Variants in C14orf39 observed in about 807,000 individuals in gnomAD.
The protein encoded by C14orf39 is protein SIX6OS1.
Under a neutral mutation model 85.6 loss-of-function variants are expected in C14orf39, and 66 were observed. The observed-to-expected ratio is 0.77, with a 90% confidence interval of 0.63 to 0.95. The LOEUF (loss-of-function observed/expected upper bound fraction) is 0.95. Among genes scored for constraint, C14orf39 ranks in the 40% least tolerant of loss-of-function variants. The pLI is 0.00. For synonymous variants in C14orf39, 242 were observed against 214.0 expected, an observed-to-expected ratio of 1.13 and a Z score of -1.14; for missense variants, 735 against 663.9, an observed-to-expected ratio of 1.11 and a Z score of -1.18.
At chr14:60,451,891 T>C (rs901317806) in intron 16 of C14orf39, among the ~76,000 whole-genome samples, 2 of 151,848 alleles carry the variant, frequency 1.3e-5, no homozygotes, top group East Asian at 1.9e-4. Flanking sequence ...GGTTAAAAGA[T>C]AGAATCTCAG....
chr14:60,502,783 AT>A (rs1210390385), intron 1 of C14orf39, among the ~76,000 whole-genome samples: 1 of 152,162 alleles, frequency 6.6e-6, no homozygotes, highest in Non-Finnish European at 1.5e-5. Flanking sequence ...CTGTGTTTCC[AT>A]TTAAAAATCT....
In C14orf39 at chr14:60,478,346, T is replaced by A. The variant is rs765630160; in HGVS notation, c.277A>T (p.Met93Leu). ...CDVFRKHEDYMQDQFTVYQGT... is the reference protein window; with the variant it reads ...CDVFRKHEDYLQDQFTVYQGT... ...TGATAAACAGTAAATTGGTCCTGCA[T>A]ATAATCTTCATGTTTACGAAAAACA... Residue 93 changes from methionine to leucine, a missense_variant, in exon 5 of 18, where the codon ATG (methionine) becomes TTG (leucine). Physicochemically the swap from Met to Leu is conservative, Grantham distance 15. Transcript: ENST00000321731. The A allele has an allele frequency of 1.9e-6, 3 of 1,583,814 alleles. No homozygotes were observed. The East Asian group carries it at 6.9e-5, about 36-fold the overall frequency.
Position 60,442,095 on chromosome 14 carries a change from G to A in C14orf39, c.1540C>T (p.Leu514=). 6.2e-7 allele frequency: 1 copy of A among 1,610,370 alleles called. No homozygotes were observed. Among genetic ancestry groups the A allele is most frequent in the Non-Finnish European group, 8.5e-7 (1 of 1,177,400 alleles). ...TTACCAATCTCTTGCTCTGATGACA[G>A]AGGATTTAGATTTCTTGCAGAATAA... is the stretch of plus-strand genomic sequence containing the variant. ...EHYSARNLNP[L]SSEQEIGNLL... Residue 514 remains leucine (L), a synonymous_variant, in exon 17 of 18, where the codon CTG becomes TTG. Transcript: ENST00000321731.
chr14:60,507,754 T>A (rs1893225067), intron 1 of C14orf39, among the ~76,000 whole-genome samples: 1 of 152,170 alleles, frequency 6.6e-6, no homozygotes, highest in Non-Finnish European at 1.5e-5. Context: ...GCATACAAAT[T>A]GTACTTGATA....
At position 60,437,016 on chromosome 14, in the gene C14orf39, A is replaced by G; in HGVS notation, c.1593T>C (p.Asp531=). The G allele has an allele frequency of 2.5e-6, 4 of 1,609,698 alleles. No individual in the cohort carries two copies. The highest frequency in any genetic ancestry group is 1.3e-5 in the African/African-American group (1 of 74,846). ...GNLLEKPEGE[D]GFTFSFPSDT... is the part of the protein sequence containing the mutation. ...CTGATGGAAAAGAAAATGTAAAGCC[A>G]TCTTCTCCTTCTGGCTTCTCAAGTA... Residue 531 remains aspartate (D), a synonymous_variant, in exon 18 of 18, where the codon GAT becomes GAC. Transcript: ENST00000321731.
intron 1 of C14orf39, among the ~76,000 whole-genome samples, chr14:60,508,315 C>G (rs919775117): frequency 6.6e-6 from 1 of 152,118 alleles, no homozygotes; most frequent in Non-Finnish European, 1.5e-5. Flanking sequence ...CCTGACCTAC[C>G]AATGACTTCT....
At chr14:60,470,444 C>A (rs182218262) in intron 7 of C14orf39, among the ~76,000 whole-genome samples, 14 of 151,846 alleles carry the variant, frequency 9.2e-5, no homozygotes, top group Admixed American at 9.2e-4. Flanking sequence ...ATTTATAAGT[C>A]TATTATTATC....
chr14:60,438,248 G>A (rs562375543), intron 17 of C14orf39, among the ~76,000 whole-genome samples: 2 of 152,138 alleles, frequency 1.3e-5, no homozygotes, highest in African/African-American at 4.8e-5. Context: ...GTGGATGGAT[G>A]GATGGACAGA....
At chr14:60,478,773 AT>A (rs1439524425) in intron 4 of C14orf39, among the ~76,000 whole-genome samples, 1 of 152,168 alleles carries the variant, frequency 6.6e-6, no homozygotes, top group African/African-American at 2.4e-5. Context: ...TGGAGTAAGC[AT>A]TCAAAGAACT....
At position 60,484,804 on chromosome 14, in the gene C14orf39, C is replaced by A; in HGVS notation, c.106+77G>T. On this transcript the variant is annotated intron_variant, in intron 3 of 17. Coordinates refer to ENST00000321731, the MANE Select transcript of C14orf39 (RefSeq NM_174978.3). The surrounding 1 kb of genome is among the most constrained non-coding windows in gnomAD (Gnocchi z 4.2). ...GTTATAACGCCAACAATAAGTTGCC[C>A]TAAACAGAGCAATTGTATGTTATAT... The A allele has an allele frequency of 1.9e-6, 2 of 1,072,254 alleles. No individual in the cohort carries two copies. The highest frequency in any genetic ancestry group is 2.8e-5 in the South Asian group (2 of 70,740). 66.4% of individuals were successfully genotyped at this position (1,072,254 alleles called of 1,614,324 possible).
chr14:60,491,623 AATTT>A lies in C14orf39; in HGVS notation c.-8-6541_-8-6538del, dbSNP rs1892990380. ...CATCAAATCCATCATAAATCCTACC[AATTT>A]TTCCTCTTAAATATCTTCCATCCAT... is the stretch of plus-strand genomic sequence containing the variant. On this transcript the variant is annotated intron_variant, in intron 2 of 5. Coordinates refer to the C14orf39 transcript ENST00000556799. The surrounding 1 kb of genome is among the most constrained non-coding windows in gnomAD (Gnocchi z 4.5). Among the ~76,000 whole-genome samples, 1 of 151,994 alleles carries A rather than the reference AATTT, an allele frequency of 6.6e-6. No individual in the cohort carries two copies. Among genetic ancestry groups the A allele is most frequent in the Non-Finnish European group, 1.5e-5 (1 of 67,990 alleles).
chr14:60,458,411 T>C (rs900196630), intron 14 of C14orf39, among the ~76,000 whole-genome samples: 27 of 151,972 alleles, frequency 1.8e-4, no homozygotes, highest in Admixed American at 1.4e-3. Flanking sequence ...CTTAACATAA[T>C]GACCACCAGT....
rs926374035 is a variant in C14orf39 at position 60,491,566 on chromosome 14, C to T, written c.-8-6480G>A. Among the ~76,000 whole-genome samples, 3 of 152,180 alleles carry T rather than the reference C, an allele frequency of 2.0e-5. No individual in the cohort carries two copies. Among genetic ancestry groups the T allele is most frequent in the Non-Finnish European group, 4.4e-5 (3 of 68,038 alleles). On this transcript the variant is annotated intron_variant, in intron 2 of 5. Coordinates refer to the C14orf39 transcript ENST00000556799. This position sits in a 1 kb window ranked among gnomAD's most constrained non-coding sequence, Gnocchi z 4.5. ...TATTTGTGCATACCAGAAACCTAGA[C>T]CGTGACAACCTTCCTCTCCTATCAT...
intron 1 of C14orf39, chr14:60,511,024 G>C: frequency 1.3e-6 from 2 of 1,555,548 alleles, no homozygotes; most frequent in East Asian, 2.3e-5. Context: ...GAGGTGGTGG[G>C]GGCGGGCGAC....
upstream of C14orf39, among the ~76,000 whole-genome samples, chr14:60,488,938 C>T (rs1892944430): frequency 6.6e-6 from 1 of 152,078 alleles, no homozygotes; most frequent in Non-Finnish European, 1.5e-5. Context: ...CTCCTATCTG[C>T]CCCTCAGATT....
intron 2 of C14orf39, among the ~76,000 whole-genome samples, chr14:60,492,539 C>A (rs1893005619): frequency 1.3e-5 from 2 of 151,662 alleles, no homozygotes; most frequent in South Asian, 4.2e-4. Context: ...TTTGGGAGGC[C>A]AACACAAGTG....
rs989554741 is a variant in C14orf39 at position 60,445,780 on chromosome 14, C to A, written c.1504-3649G>T. 1.3e-5 allele frequency among the ~76,000 whole-genome samples: 2 copies of A among 152,180 alleles called. 1 individual carries two copies. The highest frequency in any genetic ancestry group is 4.1e-4 in the South Asian group (2 of 4,824). On this transcript the variant is annotated intron_variant, in intron 16 of 17. Transcript: ENST00000321731. ...ATACATTCTTCTCAGCACCACATTG[C>A]ACTTATTCTAAAATCGACCACATAA...
chr14:60,484,119 C>G lies in C14orf39; in HGVS notation c.107-302G>C, dbSNP rs1892773252. ...CAGTGATATCTAAGGTCAATCGTATCTTAAGATGCTATGAATTCTTGCAAA... is the reference window on the plus strand; with the variant it reads ...CAGTGATATCTAAGGTCAATCGTATGTTAAGATGCTATGAATTCTTGCAAA... On this transcript the variant is annotated intron_variant, in intron 3 of 17. Coordinates refer to ENST00000321731, the MANE Select transcript of C14orf39 (RefSeq NM_174978.3). The surrounding 1 kb of genome is among the most constrained non-coding windows in gnomAD (Gnocchi z 4.2). 6.6e-6 allele frequency among the ~76,000 whole-genome samples: 1 copy of G among 152,172 alleles called. No homozygotes were observed. Among genetic ancestry groups the G allele is most frequent in the South Asian group, 2.1e-4 (1 of 4,830 alleles).
At chr14:60,499,070 A>G (rs1431883663) in intron 2 of C14orf39, among the ~76,000 whole-genome samples, 3 of 152,150 alleles carry the variant, frequency 2.0e-5, no homozygotes, top group Non-Finnish European at 2.9e-5. Flanking sequence ...AGCCTGGCCA[A>G]CATGGCAAAA....
Sources: gnomAD v4.1 joint callset for allele counts (sites outside exome capture counted in the v4.1 genomes callset) on GRCh38, gnomAD v4.1.1 for gene constraint, Gnocchi (gnomAD v3.1) non-coding constraint, MANE v1.5 for transcripts, NCBI Gene and HGNC (gene_info 2026-07-23, HGNC 2026-07-21) for gene names.